Variants in KIF21A observed in about 807,000 individuals in gnomAD.
KIF21A encodes kinesin family member 21A.
KIF21A carries 114 observed loss-of-function variants against 202.9 expected under a neutral mutation model. The ratio of observed to expected loss-of-function variants is 0.56; its 90% CI spans 0.48 to 0.66. KIF21A has a LOEUF of 0.66. Among genes scored for constraint, KIF21A ranks in the 30% least tolerant of loss-of-function variants. The probability of loss-of-function intolerance (pLI) is 0.00; values close to 1 mark genes in which losing one functional copy is unlikely to be tolerated. For missense variants in KIF21A, 1,677 were observed against 1,994.9 expected, an observed-to-expected ratio of 0.84 and a Z score of 3.04; for synonymous variants, 667 against 670.8, an observed-to-expected ratio of 0.99 and a Z score of 0.09.
Position 39,314,576 on chromosome 12 carries a change from G to A in KIF21A, c.3959+653C>T, listed in dbSNP as rs567072334. Among the ~76,000 whole-genome samples the A allele has an allele frequency of 2.0e-5, 3 of 151,936 alleles. No individual in the cohort carries two copies. In the East Asian group the frequency reaches 5.8e-4, roughly 29 times the overall value. ...AACAATTCATGTTAACAGCCTAAGA[G>A]CTATTTTCAATGTGCATTTAATAAC... On this transcript the variant is annotated intron_variant, in intron 31 of 37. Coordinates refer to ENST00000361418, the MANE Select transcript of KIF21A (RefSeq NM_001173464.2).
chr12:39,305,044 C>CT (rs957789955), intron 34 of KIF21A, 106 bp from the exon 35 acceptor site: 3,616 of 632,584 alleles, frequency 5.7e-3, no homozygotes, highest in East Asian at 7.4e-3. Flanking sequence ...AATTCACTAA[C>CT]TTTTTTTTTT....
At chr12:39,385,858 G>A (rs1203441436) in intron 1 of KIF21A, among the ~76,000 whole-genome samples, 2 of 152,076 alleles carry the variant, frequency 1.3e-5, no homozygotes, top group African/African-American at 4.8e-5. Context: ...TCTCTGAAAG[G>A]CAAATTGCAG....
At chr12:39,334,264 T>C (rs1320523867) in intron 17 of KIF21A, among the ~76,000 whole-genome samples, 2 of 151,294 alleles carry the variant, frequency 1.3e-5, no homozygotes, top group African/African-American at 4.9e-5. Context: ...AGAAAGAACT[T>C]AGGTCTTAAT....
chr12:39,431,428 T>C (rs1356679894), intron 1 of KIF21A, among the ~76,000 whole-genome samples: 2 of 151,972 alleles, frequency 1.3e-5, no homozygotes, highest in Non-Finnish European at 2.9e-5. Flanking sequence ...ACAAGTAAAA[T>C]AGGAGGTTAA....
At chr12:39,432,443 G>A (rs949955674) in intron 1 of KIF21A, among the ~76,000 whole-genome samples, 1 of 152,038 alleles carries the variant, frequency 6.6e-6, no homozygotes, top group Non-Finnish European at 1.5e-5. Flanking sequence ...AGACAGCATA[G>A]TTCCTATAAA....
intron 1 of KIF21A, among the ~76,000 whole-genome samples, chr12:39,440,846 T>C (rs1939467141): frequency 6.6e-6 from 1 of 152,004 alleles, no homozygotes; most frequent in Non-Finnish European, 1.5e-5. Context: ...AGGCCCCATA[T>C]CTACAAAAAT....
chr12:39,304,873 A>C lies in KIF21A; in HGVS notation c.4508T>G (p.Ile1503Ser), dbSNP rs559104078. The C allele has an allele frequency of 1.2e-6, 2 of 1,610,118 alleles. No individual in the cohort carries two copies. The highest frequency in any genetic ancestry group is 3.3e-5 in the Admixed American group (2 of 59,904). Residue 1503 changes from isoleucine to serine, a missense_variant, in exon 35 of 38, where the codon ATT becomes AGT. Ile to Ser is a moderately radical substitution (Grantham distance 142, BLOSUM62 -2). Around this residue, in one of 3 missense-constraint regions of KIF21A, gnomAD observed 705 missense variants for 791.9 expected, o/e 0.89. Coordinates refer to ENST00000361418, the MANE Select transcript of KIF21A (RefSeq NM_001173464.2). ...GATGATTAGATCTTGTCCACTGGAA[A>C]TCTGATCCACAGTAAGGCACATAAC... Reference protein sequence around the residue: ...GPVMCLTVDQISSGQDLIITG... With the variant: ...GPVMCLTVDQSSSGQDLIITG...
At chr12:39,430,074 G>A (rs1472652855) in intron 1 of KIF21A, among the ~76,000 whole-genome samples, 2 of 151,860 alleles carry the variant, frequency 1.3e-5, no homozygotes, top group Non-Finnish European at 2.9e-5. Flanking sequence ...GCTTGGCTGG[G>A]CACGGTGGCT....
intron 14 of KIF21A, 141 bp downstream of exon 14, chr12:39,341,364 A>G (rs1468926230): frequency 5.2e-6 from 4 of 772,096 alleles, no homozygotes; most frequent in Non-Finnish European, 2.1e-6. Context: ...TTTAGCACAT[A>G]AGCCTTGGAA....
At chr12:39,307,287 G>A (rs1943570212) in intron 34 of KIF21A, among the ~76,000 whole-genome samples, 1 of 152,094 alleles carries the variant, frequency 6.6e-6, no homozygotes, top group Admixed American at 6.5e-5. Flanking sequence ...TAAACAACAT[G>A]ACTTGTAGGC....
At position 39,442,979 on chromosome 12, in the gene KIF21A, C is replaced by G; in HGVS notation, c.-9G>C. On this transcript the variant is annotated 5_prime_UTR_variant, in exon 1 of 38. Coordinates refer to ENST00000361418, the MANE Select transcript of KIF21A (RefSeq NM_001173464.2). This position sits in a 1 kb window ranked among gnomAD's most constrained non-coding sequence, Gnocchi z 5.0. ...TCCGGGGCGCCCAACATGCTGGCGG[C>G]GGGCAGCGATCGAGCCGTTGGGCCT... 6.6e-7 allele frequency: 1 copy of G among 1,519,492 alleles called. No homozygotes were observed. Among genetic ancestry groups the G allele is most frequent in the Non-Finnish European group, 8.8e-7 (1 of 1,140,998 alleles). 94.1% of individuals were successfully genotyped at this position (1,519,492 alleles called of 1,614,324 possible). A position where few individuals can be genotyped will look rare whatever the true frequency, so the allele number is the denominator to read the frequency against.
At chr12:39,386,160 C>T (rs770634970) in intron 1 of KIF21A, among the ~76,000 whole-genome samples, 4 of 152,172 alleles carry the variant, frequency 2.6e-5, no homozygotes, top group Non-Finnish European at 4.4e-5. Context: ...TTCTAAGCTT[C>T]CTTGCAGCTA....
At chr12:39,395,874 A>C (rs1034259355) in intron 1 of KIF21A, among the ~76,000 whole-genome samples, 7 of 148,512 alleles carry the variant, frequency 4.7e-5, no homozygotes, top group South Asian at 2.1e-4. Flanking sequence ...AAGAAAAATC[A>C]CCCACTTTCT....
intron 1 of KIF21A, among the ~76,000 whole-genome samples, chr12:39,441,791 G>GT (rs1467594911): frequency 6.6e-6 from 1 of 151,602 alleles, no homozygotes; most frequent in Non-Finnish European, 1.5e-5. Flanking sequence ...CTATAGAAAT[G>GT]TTTAGAGGGG....
intron 24 of KIF21A, among the ~76,000 whole-genome samples, chr12:39,327,041 G>C (rs949355008): frequency 1.3e-5 from 2 of 151,924 alleles, no homozygotes; most frequent in African/African-American, 4.8e-5. Flanking sequence ...AACAGCCACA[G>C]AAAGTAAACG....
intron 12 of KIF21A, among the ~76,000 whole-genome samples, chr12:39,346,211 C>T (rs1947878110): frequency 6.6e-6 from 1 of 151,936 alleles, no homozygotes; most frequent in African/African-American, 2.4e-5. Context: ...TCATAATTAT[C>T]ATAGTTTATT....
chr12:39,425,229 C>G (rs1954649316), intron 1 of KIF21A, among the ~76,000 whole-genome samples: 1 of 152,094 alleles, frequency 6.6e-6, no homozygotes, highest in Admixed American at 6.6e-5. Flanking sequence ...ATATCAATAT[C>G]TGGATTTAAA....
At chr12:39,365,703 T>C (rs1340512199) in intron 6 of KIF21A, among the ~76,000 whole-genome samples, 1 of 152,238 alleles carries the variant, frequency 6.6e-6, no homozygotes, top group African/African-American at 2.4e-5. Flanking sequence ...TCTTCACCCA[T>C]GAAATAACTT....
chr12:39,347,708 A>G (rs1382530051), intron 11 of KIF21A, among the ~76,000 whole-genome samples: 1 of 152,050 alleles, frequency 6.6e-6, no homozygotes, highest in Non-Finnish European at 1.5e-5. Context: ...CAGTAATCAA[A>G]TGGTCCAGTA....
Sources: gnomAD v4.1 joint callset for allele counts (sites outside exome capture counted in the v4.1 genomes callset) on GRCh38, gnomAD v4.1.1 for gene constraint, gnomAD v4.1.1 regional missense constraint, Gnocchi (gnomAD v3.1) non-coding constraint, MANE v1.5 for transcripts, NCBI Gene and HGNC (gene_info 2026-07-23, HGNC 2026-07-21) for gene names.